Variants in MYO18B observed in about 807,000 individuals in gnomAD.
MYO18B encodes the protein unconventional myosin-XVIIIb.
In MYO18B, 204 loss-of-function variants were observed where a neutral mutation model predicts 273.0. That is an observed-to-expected ratio of 0.75 (90% confidence interval 0.67 to 0.84). The LOEUF (loss-of-function observed/expected upper bound fraction) is 0.84. MYO18B is among the 40% of genes least tolerant of loss of function. The probability of loss-of-function intolerance (pLI) is 0.00; values close to 1 mark genes in which losing one functional copy is unlikely to be tolerated. For missense variants in MYO18B, 3,212 were observed against 3,287.6 expected, an observed-to-expected ratio of 0.98 and a Z score of 0.56; for synonymous variants, 1,330 against 1,305.7, an observed-to-expected ratio of 1.02 and a Z score of -0.40.
At position 25,833,597 on chromosome 22, in the gene MYO18B, A is replaced by C. The variant is rs2089792677; in HGVS notation, c.3060+600A>C. 2.0e-5 allele frequency among the ~76,000 whole-genome samples: 3 copies of C among 151,890 alleles called. No individual in the cohort carries two copies. In the South Asian group the frequency reaches 6.2e-4, roughly 32 times the overall value. ...ACTTGATTTTTTTGTCTTCCTCTTCACATTTTATTACAAAAGTGCTTGGGC... is the reference window on the plus strand; with the variant it reads ...ACTTGATTTTTTTGTCTTCCTCTTCCCATTTTATTACAAAAGTGCTTGGGC... On this transcript the variant is annotated intron_variant, in intron 16 of 43. Transcript: ENST00000335473.
chr22:25,941,812 T>A (rs1309653896), intron 34 of MYO18B, among the ~76,000 whole-genome samples: 1 of 152,198 alleles, frequency 6.6e-6, no homozygotes. Flanking sequence ...CCTGCTTGAC[T>A]TGTGTGCCTC....
chr22:25,928,671 A>C (rs1452779241), intron 34 of MYO18B, among the ~76,000 whole-genome samples: 1 of 152,148 alleles, frequency 6.6e-6, no homozygotes, highest in Non-Finnish European at 1.5e-5. Flanking sequence ...ACAATACAGA[A>C]GACTCCTGAA....
intron 11 of MYO18B, among the ~76,000 whole-genome samples, chr22:25,787,447 C>T (rs1569018932): frequency 6.6e-6 from 1 of 152,042 alleles, no homozygotes; most frequent in East Asian, 1.9e-4. Context: ...CTTTGAGAAC[C>T]ACTGTTGTAG....
At chr22:26,035,543 G>A (rs1936761927), downstream of MYO18B, among the ~76,000 whole-genome samples, 1 of 152,182 alleles carries the variant, frequency 6.6e-6, no homozygotes, top group African/African-American at 2.4e-5. Context: ...AAATGCTCCT[G>A]ATCCATGGCC....
At chr22:25,987,033 C>T (rs572992485) in intron 39 of MYO18B, among the ~76,000 whole-genome samples, 28 of 152,174 alleles carry the variant, frequency 1.8e-4, no homozygotes, top group African/African-American at 4.6e-4. Context: ...AAAAGTGTTT[C>T]GAGATAGTCT....
rs1936638254 is a variant in MYO18B, at chr22:26,030,885, C to A, written c.*455C>A. The stretch of plus-strand genomic sequence containing the variant: ...TATCAAACTGAAACAAATGCTCCTC[C>A]TCCATGCTCCCTTAATCCCCATGCT... On this transcript the variant is annotated 3_prime_UTR_variant, in exon 44 of 44. Transcript: ENST00000335473. The A allele has an allele frequency of 5.0e-6, 2 of 398,618 alleles. No homozygotes were observed. The highest frequency in any genetic ancestry group is 8.8e-6 in the Non-Finnish European group (2 of 226,080). The allele number at this position is 398,618 out of a possible 1,614,324, so 24.7% of individuals were successfully genotyped here. A position where few individuals can be genotyped will look rare whatever the true frequency, so the allele number is the denominator to read the frequency against.
intron 39 of MYO18B, among the ~76,000 whole-genome samples, chr22:25,973,212 C>T (rs2093054281): frequency 6.6e-6 from 1 of 152,108 alleles, no homozygotes; most frequent in African/African-American, 2.4e-5. Context: ...GCCGAGTGAA[C>T]CCATGAAACA....
chr22:25,840,736 G>A (rs545686175), intron 17 of MYO18B, among the ~76,000 whole-genome samples: 14 of 152,106 alleles, frequency 9.2e-5, no homozygotes, highest in African/African-American at 3.1e-4. Flanking sequence ...AGGGTTGGAA[G>A]CAGAAGGCAT....
At chr22:25,847,948 TACACAC>T (rs59375568) in intron 20 of MYO18B, among the ~76,000 whole-genome samples, 66,430 of 146,112 alleles carry the variant, frequency 0.45, 15,005 homozygotes, top group East Asian at 0.76. Flanking sequence ...CACACACACA[TACACAC>T]ACACACACAC....
At chr22:25,875,656 T>G (rs1479589489) in intron 23 of MYO18B, among the ~76,000 whole-genome samples, 1 of 152,232 alleles carries the variant, frequency 6.6e-6, no homozygotes, top group Non-Finnish European at 1.5e-5. Context: ...GGGGGTGGTG[T>G]CTAGCCATCT....
intron 31 of MYO18B, 24 bp from the exon 32 acceptor site, chr22:25,908,298 G>A (rs958610944): frequency 2.8e-5 from 44 of 1,552,090 alleles, no homozygotes; most frequent in Middle Eastern, 1.7e-4. Flanking sequence ...TCACCCTCAC[G>A]TGCTGTCCTT....
chr22:25,772,303 C>G, intron 6 of MYO18B, 31 bp from the exon 7 acceptor site: 1 of 1,601,116 alleles, frequency 6.2e-7, no homozygotes, highest in Admixed American at 1.7e-5. Context: ...GGCCAGAAGG[C>G]CAGAGGAGAC....
intron 14 of MYO18B, among the ~76,000 whole-genome samples, chr22:25,828,026 A>C (rs2089557919): frequency 6.6e-6 from 1 of 152,234 alleles, no homozygotes. Context: ...GGTTCAACTA[A>C]GGGCCTCCAA....
chr22:25,758,002 G>A (rs1232812938), intron 1 of MYO18B, among the ~76,000 whole-genome samples: 1 of 152,102 alleles, frequency 6.6e-6, no homozygotes, highest in African/African-American at 2.4e-5. Flanking sequence ...AAGTTTCTTT[G>A]TTGTTTTGTT....
intron 4 of MYO18B, among the ~76,000 whole-genome samples, 172 bp downstream of exon 4, chr22:25,769,600 C>T (rs1412701730): frequency 6.6e-6 from 1 of 152,182 alleles, no homozygotes; most frequent in East Asian, 1.9e-4. Context: ...CGAGCACTTC[C>T]TCCATGAGCA....
the MYO18B span, among the ~76,000 whole-genome samples, chr22:26,049,209 C>CA: frequency 2.6e-5 from 4 of 152,340 alleles, no homozygotes; most frequent in African/African-American, 9.6e-5. Flanking sequence ...CAGCCCCCAG[C>CA]ACCTGTTCAT....
chr22:25,768,235 A>G lies in MYO18B; in HGVS notation c.319A>G (p.Lys107Glu), dbSNP rs750037404. Residue 107 changes from lysine to glutamate, a missense_variant, in exon 4 of 44, where the codon AAG (lysine) becomes GAG (glutamate). By Grantham distance (56) the Lys-to-Glu change is moderately conservative. Transcript: ENST00000335473. ...TCCTGGGAGCTCAGACATTCTGGGC[A>G]AGGAGAGCGAGGGGTCCCGCAGCCC... ...SSPGSSDILG[K>E]ESEGSRSPDP... The G allele has an allele frequency of 6.2e-7, 1 of 1,614,032 alleles. No homozygotes were observed. The highest frequency in any genetic ancestry group is 1.1e-5 in the South Asian group (1 of 91,082).
chr22:25,978,497 G>C (rs1366996208), intron 39 of MYO18B, among the ~76,000 whole-genome samples: 1 of 152,212 alleles, frequency 6.6e-6, no homozygotes, highest in African/African-American at 2.4e-5. Context: ...TAAAGGACTT[G>C]ATATGCGAAA....
chr22:25,777,199 A>G lies in MYO18B; in HGVS notation c.1870-384A>G, dbSNP rs908111574. Among the ~76,000 whole-genome samples, 8 of 152,244 alleles carry G rather than the reference A, an allele frequency of 5.3e-5. No individual in the cohort carries two copies. The East Asian group carries it at 7.7e-4, about 15-fold the overall frequency. On this transcript the variant is annotated intron_variant, in intron 7 of 43. Coordinates refer to ENST00000335473, the MANE Select transcript of MYO18B (RefSeq NM_032608.7). ...CCCCCATGTGCCATTCCCTGTGTCC[A>G]TAGCAGACATCACTAATCGTAATGG...
Sources: allele counts gnomAD v4.1 joint callset (sites outside exome capture counted in the v4.1 genomes callset), GRCh38; gene constraint gnomAD v4.1.1; transcripts MANE v1.5; gene names NCBI Gene and HGNC (gene_info 2026-07-23, HGNC 2026-07-21).